FRMD3: variants seen among roughly 807,000 people sequenced by gnomAD.
FRMD3 encodes the protein FERM domain containing 3.
In FRMD3, 33 loss-of-function variants were observed where a neutral mutation model predicts 70.2. The ratio of observed to expected loss-of-function variants is 0.47; its 90% confidence interval spans 0.36 to 0.63. The LOEUF (loss-of-function observed/expected upper bound fraction) is 0.63, where lower values mean the gene tolerates loss of function less well. Among genes scored for constraint, FRMD3 ranks in the 20% least tolerant of loss-of-function variants. The pLI is 0.00. For missense variants in FRMD3, 632 were observed against 711.4 expected (o/e 0.89, Z 1.27); for synonymous variants, 279 against 255.9 (o/e 1.09, Z -0.86).
chr9:83,512,979 A>G (rs1829372289), intron 1 of FRMD3, among the ~76,000 whole-genome samples: 1 of 152,184 alleles, frequency 6.6e-6, no homozygotes, highest in Non-Finnish European at 1.5e-5. Flanking sequence ...GACACGATGA[A>G]AGAAGTGGTA....
intron 1 of FRMD3, among the ~76,000 whole-genome samples, chr9:83,478,330 G>A (rs1828446874): frequency 6.6e-6 from 1 of 152,082 alleles, no homozygotes; most frequent in Admixed American, 6.6e-5. Context: ...TATGCAAAAT[G>A]TAATGAACAT....
At position 83,537,970 on chromosome 9, in the gene FRMD3, A is replaced by G; in HGVS notation, c.147+115T>C. 4 of 1,198,232 alleles carry G rather than the reference A, an allele frequency of 3.3e-6. No individual in the cohort carries two copies. The highest frequency in any genetic ancestry group is 4.7e-6 in the Non-Finnish European group (4 of 857,702). The allele number at this position is 1,198,232 out of a possible 1,614,324, so 74.2% of individuals were successfully genotyped here. A position where few individuals can be genotyped will look rare whatever the true frequency, so the allele number is the denominator to read the frequency against. Reference sequence around the variant, plus strand: ...CTGAGGAATCGAAATCTGGCTTTCTAGCAGTCCCCCAATCCCCTCCGGGAG... The same window carrying G: ...CTGAGGAATCGAAATCTGGCTTTCTGGCAGTCCCCCAATCCCCTCCGGGAG... On this transcript the variant is annotated intron_variant, in intron 1 of 13. Coordinates refer to ENST00000304195, the MANE Select transcript of FRMD3 (RefSeq NM_174938.6). The surrounding 1 kb of genome is among the most constrained non-coding windows in gnomAD (Gnocchi z 4.1).
intron 3 of FRMD3, among the ~76,000 whole-genome samples, chr9:83,359,977 C>A (rs1002702694): frequency 6.6e-6 from 1 of 152,190 alleles, no homozygotes; most frequent in Non-Finnish European, 1.5e-5. Flanking sequence ...TTCAATGTTA[C>A]CTTGCCTTTT....
At chr9:83,453,254 C>T (rs1827719775) in intron 1 of FRMD3, among the ~76,000 whole-genome samples, 1 of 152,162 alleles carries the variant, frequency 6.6e-6, no homozygotes, top group Non-Finnish European at 1.5e-5. Flanking sequence ...TAACTTCACA[C>T]AGTGCAAGAT....
At chr9:83,353,471 G>A (rs1157185397) in intron 3 of FRMD3, among the ~76,000 whole-genome samples, 1 of 152,142 alleles carries the variant, frequency 6.6e-6, no homozygotes, top group Admixed American at 6.5e-5. Flanking sequence ...ATGCATGAGG[G>A]TATAGAATAA....
the FRMD3 span, among the ~76,000 whole-genome samples, chr9:83,553,861 A>T: frequency 6.6e-6 from 1 of 152,196 alleles, no homozygotes; most frequent in Non-Finnish European, 1.5e-5. Flanking sequence ...CTGTCATTAC[A>T]ACCAGTTCAG....
chr9:83,479,318 A>G (rs1241557384), intron 1 of FRMD3, among the ~76,000 whole-genome samples: 1 of 139,900 alleles, frequency 7.1e-6, no homozygotes, highest in Non-Finnish European at 1.5e-5. Flanking sequence ...AAGGAGAAGG[A>G]GGAGAAGAAG....
At chr9:83,376,844 G>A (rs1282642131) in intron 2 of FRMD3, among the ~76,000 whole-genome samples, 1 of 152,118 alleles carries the variant, frequency 6.6e-6, no homozygotes, top group African/African-American at 2.4e-5. Flanking sequence ...AGCAGTTGCT[G>A]TGATAATAGG....
In FRMD3 at chr9:83,514,382, C is replaced by T. The variant is rs898889957; in HGVS notation, c.147+23703G>A. On this transcript the variant is annotated intron_variant, in intron 1 of 13. Transcript: ENST00000304195. Reference sequence around the variant, plus strand: ...CTGGACAGAGCCCACCGAAGCTCAGCAAAGCTGCTGTAGCCAGACTGACTC... The same window carrying T: ...CTGGACAGAGCCCACCGAAGCTCAGTAAAGCTGCTGTAGCCAGACTGACTC... Among the ~76,000 whole-genome samples the T allele has an allele frequency of 3.9e-5, 6 of 152,180 alleles. No individual in the cohort carries two copies. The East Asian group carries it at 1.2e-3, about 29-fold the overall frequency.
At chr9:83,252,118 C>A (rs145599461) in intron 13 of FRMD3, among the ~76,000 whole-genome samples, 1 of 152,196 alleles carries the variant, frequency 6.6e-6, no homozygotes, top group African/African-American at 2.4e-5. Context: ...TTAAGGGCAA[C>A]CAGAGAGAAA....
chr9:83,408,512 T>A (rs894818939), intron 1 of FRMD3, among the ~76,000 whole-genome samples: 12 of 152,094 alleles, frequency 7.9e-5, no homozygotes, highest in Non-Finnish European at 1.5e-4. Context: ...CTCCAGAAAC[T>A]AGGCACAACC....
In FRMD3 at chr9:83,343,275, G is replaced by T. The variant is rs761889527; in HGVS notation, c.387C>A (p.Tyr129Ter). Reference protein sequence around the residue: ...IKEELTRYLLYLQIKRDIFHG... With the variant: ...IKEELTRYLL ...GAAAAATGTCCCTTTTAATCTGAAG[G>T]TATAAAAGGTATCTGCAATACAAAA... Residue 129 changes from tyrosine to a stop codon, truncating the protein, a stop_gained, in exon 5 of 14, where the codon TAC becomes TAA. Transcript: ENST00000304195. LOFTEE classifies it high-confidence loss of function. The T allele has an allele frequency of 1.8e-5, 29 of 1,610,064 alleles. No individual in the cohort carries two copies. Among genetic ancestry groups the T allele is most frequent in the Non-Finnish European group, 2.6e-6 (3 of 1,176,452 alleles).
chr9:83,251,365 C>T (rs1333176601), intron 13 of FRMD3, among the ~76,000 whole-genome samples: 1 of 152,160 alleles, frequency 6.6e-6, no homozygotes, highest in African/African-American at 2.4e-5. Flanking sequence ...ATTCAAAGGT[C>T]AGCAACCATA....
chr9:83,243,817 A>G (rs917078950), downstream of FRMD3, among the ~76,000 whole-genome samples: 5 of 152,066 alleles, frequency 3.3e-5, no homozygotes, highest in Admixed American at 6.5e-5. Context: ...ATTCCAAGTA[A>G]CACCTTTTGG....
At chr9:83,468,823 C>G (rs1028437273) in intron 1 of FRMD3, among the ~76,000 whole-genome samples, 1 of 152,230 alleles carries the variant, frequency 6.6e-6, no homozygotes, top group Admixed American at 6.5e-5. Flanking sequence ...GCCCTGGCAA[C>G]ATGGGATCTG....
intron 6 of FRMD3, among the ~76,000 whole-genome samples, chr9:83,332,114 T>C (rs549978463): frequency 9.9e-5 from 15 of 152,228 alleles, no homozygotes; most frequent in Non-Finnish European, 2.1e-4. Flanking sequence ...TCTAAGCCAC[T>C]GAGCATTGGG....
chr9:83,258,855 G>T (rs1832849073), intron 13 of FRMD3, among the ~76,000 whole-genome samples: 1 of 152,156 alleles, frequency 6.6e-6, no homozygotes, highest in Admixed American at 6.5e-5. Flanking sequence ...CCTATCTTCA[G>T]GCTAGGAGGC....
intron 12 of FRMD3, among the ~76,000 whole-genome samples, chr9:83,291,451 C>G (rs1224451466): frequency 6.6e-6 from 1 of 152,136 alleles, no homozygotes; most frequent in East Asian, 1.9e-4. Context: ...TGTTTGCACA[C>G]CCTTCCTCAC....
At chr9:83,255,262 A>C (rs762295342) in intron 13 of FRMD3, among the ~76,000 whole-genome samples, 2 of 152,208 alleles carry the variant, frequency 1.3e-5, no homozygotes, top group Non-Finnish European at 2.9e-5. Context: ...TCACATAAAC[A>C]GAGCTACAGA....
Sources: gnomAD v4.1 joint callset for allele counts (sites outside exome capture counted in the v4.1 genomes callset) on GRCh38, gnomAD v4.1.1 for gene constraint, Gnocchi (gnomAD v3.1) non-coding constraint, MANE v1.5 for transcripts, NCBI Gene and HGNC (gene_info 2026-07-23, HGNC 2026-07-21) for gene names.